The following WWOX variants were observed in gnomAD, a reference collection of about 807,000 sequenced individuals.
WWOX encodes WW domain-containing oxidoreductase.
In WWOX, 69 loss-of-function variants were observed where a neutral mutation model predicts 46.2. That is an observed-to-expected ratio of 1.49 (90% CI 1.23 to 1.82). The LOEUF (loss-of-function observed/expected upper bound fraction) is 1.82, where lower values mean the gene tolerates loss of function less well. WWOX is among the 40% of genes most tolerant of loss of function. WWOX has a pLI of 0.00. For missense variants in WWOX, 919 were observed against 542.6 expected (o/e 1.69, Z -6.89); for synonymous variants, 359 against 202.6 (o/e 1.77, Z -6.56).
At chr16:78,886,928 A>C (rs771002579) in intron 8 of WWOX, among the ~76,000 whole-genome samples, 22 of 152,232 alleles carry the variant, frequency 1.4e-4, no homozygotes, top group Admixed American at 5.9e-4. Context: ...CAAAGCTTCT[A>C]TCCTATGAAA....
intron 5 of WWOX, among the ~76,000 whole-genome samples, chr16:78,335,285 C>G (rs1443372060): frequency 1.3e-5 from 2 of 152,142 alleles, no homozygotes; most frequent in South Asian, 2.1e-4. Context: ...CTCTTCCCAC[C>G]ACCTGCAAGC....
At chr16:78,901,355 A>G (rs538913525) in intron 8 of WWOX, among the ~76,000 whole-genome samples, 84 of 152,358 alleles carry the variant, frequency 5.5e-4, no homozygotes, top group African/African-American at 1.9e-3. Context: ...GAATATTTTC[A>G]CGGAAATATT....
chr16:78,470,320 G>A (rs1294277387), intron 8 of WWOX, among the ~76,000 whole-genome samples: 1 of 152,136 alleles, frequency 6.6e-6, no homozygotes, highest in Non-Finnish European at 1.5e-5. Flanking sequence ...GGAAGATGCG[G>A]GGCATAGTAC....
chr16:78,710,916 C>G (rs1473044066), intron 8 of WWOX, among the ~76,000 whole-genome samples: 1 of 152,092 alleles, frequency 6.6e-6, no homozygotes, highest in South Asian at 2.1e-4. Context: ...CATGCCAAAG[C>G]CTAAGGGACC....
chr16:78,535,993 G>C (rs1187958753), intron 8 of WWOX, among the ~76,000 whole-genome samples: 1 of 152,214 alleles, frequency 6.6e-6, no homozygotes, highest in Admixed American at 6.5e-5. Flanking sequence ...GGCAAGGTTA[G>C]TTTCGGGTAT....
At chr16:78,533,841 C>G (rs535865435) in intron 8 of WWOX, among the ~76,000 whole-genome samples, 1 of 152,290 alleles carries the variant, frequency 6.6e-6, no homozygotes, top group African/African-American at 2.4e-5. Flanking sequence ...CATACTTGCT[C>G]ATTGTTTGTT....
chr16:78,757,206 C>A (rs1211608535), intron 8 of WWOX, among the ~76,000 whole-genome samples: 1 of 152,108 alleles, frequency 6.6e-6, no homozygotes, highest in Non-Finnish European at 1.5e-5. Flanking sequence ...TGTTTCAGCC[C>A]ACTTAGTTTT....
intron 8 of WWOX, among the ~76,000 whole-genome samples, chr16:79,075,849 C>G (rs1023031720): frequency 6.6e-6 from 1 of 152,044 alleles, no homozygotes; most frequent in African/African-American, 2.4e-5. Flanking sequence ...ATAACTATCT[C>G]AAAAAAACAT....
At chr16:78,163,486 A>G (rs1353565791) in intron 4 of WWOX, among the ~76,000 whole-genome samples, 3 of 152,216 alleles carry the variant, frequency 2.0e-5, no homozygotes, top group Non-Finnish European at 4.4e-5. Context: ...AGCTCAGCCC[A>G]TCTTCTCAGG....
At chr16:79,084,994 T>G (rs964580809) in intron 8 of WWOX, among the ~76,000 whole-genome samples, 1 of 151,870 alleles carries the variant, frequency 6.6e-6, no homozygotes, top group Non-Finnish European at 1.5e-5. Context: ...GGCACAATTA[T>G]AGCTCACCAC....
chr16:78,885,052 A>C (rs933718865), intron 8 of WWOX, among the ~76,000 whole-genome samples: 1 of 152,200 alleles, frequency 6.6e-6, no homozygotes. Flanking sequence ...TTCTTAACCA[A>C]CATGGCACCC....
chr16:78,100,130 C>T, intron 1 of WWOX: 1 of 1,339,164 alleles, frequency 7.5e-7, no homozygotes, highest in Non-Finnish European at 9.6e-7. Flanking sequence ...CAGGATGCAG[C>T]ACTGCGCGGC....
intron 8 of WWOX, among the ~76,000 whole-genome samples, chr16:78,900,404 A>C (rs533700892): frequency 6.6e-6 from 1 of 152,294 alleles, no homozygotes; most frequent in South Asian, 2.1e-4. Flanking sequence ...TGGGCACCCA[A>C]ATAATTTGTT....
chr16:78,209,044 A>G (rs925615614), intron 5 of WWOX, among the ~76,000 whole-genome samples: 17 of 152,180 alleles, frequency 1.1e-4, no homozygotes, highest in African/African-American at 4.1e-4. Flanking sequence ...ATTTGAATGT[A>G]TATACATATG....
intron 5 of WWOX, among the ~76,000 whole-genome samples, chr16:78,177,677 A>G (rs1457130334): frequency 1.3e-5 from 2 of 152,182 alleles, no homozygotes; most frequent in Non-Finnish European, 2.9e-5. Context: ...TTAGGAGAAT[A>G]GACTTTATTC....
intron 8 of WWOX, among the ~76,000 whole-genome samples, chr16:78,445,597 C>G (rs2083541071): frequency 6.6e-6 from 1 of 152,152 alleles, no homozygotes; most frequent in Admixed American, 6.6e-5. Context: ...ATATGATCAC[C>G]TTCGGTTAGT....
chr16:79,212,281 C>G lies in WWOX; in HGVS notation c.*485C>G, dbSNP rs1391796082. ...ATTGTTTCATTCATCCTGACCAAGA[C>G]TGAGCCAGCTTAGCAACTGCTGGGG... On this transcript the variant is annotated 3_prime_UTR_variant, in exon 9 of 9. Transcript: ENST00000566780. 5 of 1,170,982 alleles carry G rather than the reference C, an allele frequency of 4.3e-6. No individual in the cohort carries two copies. Among genetic ancestry groups the G allele is most frequent in the African/African-American group, 1.6e-5 (1 of 64,274 alleles). 72.5% of individuals were successfully genotyped at this position (1,170,982 alleles called of 1,614,324 possible). A position where few individuals can be genotyped will look rare whatever the true frequency, so the allele number is the denominator to read the frequency against.
At chr16:78,712,919 A>G (rs2048474486) in intron 8 of WWOX, among the ~76,000 whole-genome samples, 2 of 152,254 alleles carry the variant, frequency 1.3e-5, no homozygotes, top group Non-Finnish European at 2.9e-5. Flanking sequence ...AATTTTTCAT[A>G]AGAAAATATT....
At chr16:79,060,147 G>C (rs967870947) in intron 8 of WWOX, among the ~76,000 whole-genome samples, 3 of 152,116 alleles carry the variant, frequency 2.0e-5, no homozygotes, top group Non-Finnish European at 4.4e-5. Flanking sequence ...CCTATACTTG[G>C]GCAGTGGGGG....
Sources: allele counts gnomAD v4.1 joint callset (sites outside exome capture counted in the v4.1 genomes callset), GRCh38; gene constraint gnomAD v4.1.1; transcripts MANE v1.5; gene names NCBI Gene and HGNC (gene_info 2026-07-23, HGNC 2026-07-21).